The following CTNNA3 variants were observed in gnomAD, a reference collection of about 807,000 sequenced individuals.
CTNNA3 encodes the protein catenin alpha 3.
Under a neutral mutation model 95.7 loss-of-function variants are expected in CTNNA3, and 76 were observed. The observed-to-expected ratio is 0.79, with a 90% CI of 0.66 to 0.96. The LOEUF is 0.96. Among genes scored for constraint, CTNNA3 ranks in the 40% least tolerant of loss-of-function variants. The pLI, the probability that CTNNA3 is intolerant of heterozygous loss-of-function variation, is 0.00. For missense variants in CTNNA3, 1,191 were observed against 1,089.8 expected (o/e 1.09, Z -1.31); for synonymous variants, 431 against 374.4 (o/e 1.15, Z -1.74).
At chr10:67,309,508 C>A (rs1268969912) in intron 5 of CTNNA3, among the ~76,000 whole-genome samples, 1 of 151,894 alleles carries the variant, frequency 6.6e-6, no homozygotes, top group Non-Finnish European at 1.5e-5. Flanking sequence ...AGAAGAGGCA[C>A]AAAGAGAGAA....
intron 11 of CTNNA3, among the ~76,000 whole-genome samples, chr10:66,508,988 T>C (rs924252158): frequency 1.3e-5 from 2 of 152,144 alleles, no homozygotes; most frequent in African/African-American, 2.4e-5. Flanking sequence ...GCTATACTAG[T>C]TTATATTCCC....
At chr10:65,943,361 C>T (rs17819377) in intron 17 of CTNNA3, among the ~76,000 whole-genome samples, 31,822 of 152,140 alleles carry the variant, frequency 0.21, 4,001 homozygotes, top group Middle Eastern at 0.33. Context: ...GCATTGTGAT[C>T]CAGATGCTGG....
chr10:66,362,617 G>A (rs2092684596), intron 12 of CTNNA3, among the ~76,000 whole-genome samples: 2 of 151,948 alleles, frequency 1.3e-5, no homozygotes. Context: ...GGAGGTTGAA[G>A]TGGGAGAATC....
intron 7 of CTNNA3, among the ~76,000 whole-genome samples, chr10:67,168,092 C>T (rs745587474): frequency 3.3e-5 from 5 of 152,066 alleles, no homozygotes; most frequent in Non-Finnish European, 7.4e-5. Context: ...GCCGAGATGG[C>T]GTCACTGCAC....
intron 5 of CTNNA3, among the ~76,000 whole-genome samples, chr10:67,386,004 A>G (rs2132747632): frequency 6.6e-6 from 1 of 152,338 alleles, no homozygotes; most frequent in East Asian, 1.9e-4. Context: ...TGGAAATACC[A>G]TCACCTTATC....
intron 7 of CTNNA3, among the ~76,000 whole-genome samples, chr10:66,817,370 C>T (rs2132280714): frequency 6.6e-6 from 1 of 151,926 alleles, no homozygotes; most frequent in African/African-American, 2.4e-5. Flanking sequence ...GTCAACAAAA[C>T]CAAAAATTAG....
At chr10:67,479,663 T>C (rs939657371) in intron 5 of CTNNA3, among the ~76,000 whole-genome samples, 1 of 152,064 alleles carries the variant, frequency 6.6e-6, no homozygotes, top group African/African-American at 2.4e-5. Context: ...CCATCTAACA[T>C]GACACCTAGA....
chr10:67,310,452 G>GA (rs552638455), intron 5 of CTNNA3, among the ~76,000 whole-genome samples: 1 of 152,110 alleles, frequency 6.6e-6, no homozygotes, highest in African/African-American at 2.4e-5. Flanking sequence ...TTTGTAAGAG[G>GA]AAAAAATCAA....
chr10:66,799,041 C>T (rs549974796), intron 7 of CTNNA3, among the ~76,000 whole-genome samples: 10 of 151,536 alleles, frequency 6.6e-5, no homozygotes, highest in African/African-American at 1.9e-4. Context: ...AAGAAAAAAC[C>T]ACATGGCTTA....
At chr10:67,047,574 C>CCT (rs1854832672) in intron 7 of CTNNA3, among the ~76,000 whole-genome samples, 1 of 152,094 alleles carries the variant, frequency 6.6e-6, no homozygotes, top group Non-Finnish European at 1.5e-5. Flanking sequence ...AGTTCTTCTA[C>CCT]CTTTACCTTC....
intron 9 of CTNNA3, among the ~76,000 whole-genome samples, chr10:66,759,791 A>G (rs1464200677): frequency 1.3e-5 from 2 of 152,216 alleles, no homozygotes; most frequent in African/African-American, 2.4e-5. Flanking sequence ...AAGTCTTAGC[A>G]TAAAAAGAAA....
At chr10:66,347,532 T>C (rs2092532670) in intron 12 of CTNNA3, among the ~76,000 whole-genome samples, 1 of 151,992 alleles carries the variant, frequency 6.6e-6, no homozygotes, top group East Asian at 1.9e-4. Context: ...GAGGATTGCT[T>C]GAGCCCAGAA....
chr10:67,103,657 C>T (rs1858466124), intron 7 of CTNNA3, among the ~76,000 whole-genome samples: 1 of 151,542 alleles, frequency 6.6e-6, no homozygotes, highest in South Asian at 2.1e-4. Flanking sequence ...ATTTGTTAGG[C>T]TCTAAGGATG....
intron 10 of CTNNA3, among the ~76,000 whole-genome samples, chr10:66,557,674 A>G (rs529880631): frequency 2.6e-5 from 4 of 152,252 alleles, no homozygotes; most frequent in African/African-American, 4.8e-5. Context: ...CTGCTCACAC[A>G]TAAGTATACT....
intron 5 of CTNNA3, among the ~76,000 whole-genome samples, chr10:67,376,643 GC>G (rs1843701017): frequency 6.6e-6 from 1 of 152,164 alleles, no homozygotes; most frequent in South Asian, 2.1e-4. Context: ...TTTATGTTAT[GC>G]TATGGTTAGA....
At chr10:66,338,212 T>G (rs1487012306) in intron 12 of CTNNA3, among the ~76,000 whole-genome samples, 3 of 152,024 alleles carry the variant, frequency 2.0e-5, no homozygotes. Flanking sequence ...GGACCACATG[T>G]TGCATAATTC....
intron 11 of CTNNA3, among the ~76,000 whole-genome samples, chr10:66,408,364 AT>A (rs1456939918): frequency 2.6e-5 from 4 of 151,778 alleles, no homozygotes; most frequent in African/African-American, 9.7e-5. Flanking sequence ...ATTATAGTTC[AT>A]TAAACCATTT....
In CTNNA3 at chr10:66,723,831, T is replaced by C. The variant is rs555118566; in HGVS notation, c.1281+42433A>G. Among the ~76,000 whole-genome samples the C allele has an allele frequency of 8.5e-4, 130 of 152,280 alleles. 1 individual carries two copies. Among genetic ancestry groups the C allele is most frequent in the African/African-American group, 3.1e-3 (128 of 41,566 alleles). ...AGGCAACAAGCCAAAATCCAGGCAGTGTTAGAACAGCCTTGTCAGGGAAGC... is the reference window on the plus strand; with the variant it reads ...AGGCAACAAGCCAAAATCCAGGCAGCGTTAGAACAGCCTTGTCAGGGAAGC... On this transcript the variant is annotated intron_variant, in intron 9 of 17. Coordinates refer to ENST00000433211, the MANE Select transcript of CTNNA3 (RefSeq NM_013266.4).
intron 12 of CTNNA3, among the ~76,000 whole-genome samples, chr10:66,338,052 G>A (rs2092414534): frequency 1.3e-5 from 2 of 151,920 alleles, no homozygotes; most frequent in South Asian, 2.1e-4. Flanking sequence ...AACCCTAAAT[G>A]TTCATCAGTT....
Sources: gnomAD v4.1 joint callset for allele counts (sites outside exome capture counted in the v4.1 genomes callset) on GRCh38, gnomAD v4.1.1 for gene constraint, MANE v1.5 for transcripts, NCBI Gene and HGNC (gene_info 2026-07-23, HGNC 2026-07-21) for gene names.